The following SGCD variants were observed in gnomAD, a reference collection of about 807,000 sequenced individuals.
SGCD encodes delta-sarcoglycan.
SGCD carries 18 observed loss-of-function variants against 36.6 expected under a neutral mutation model. The observed-to-expected ratio is 0.49, with a 90% CI of 0.34 to 0.73. The LOEUF is 0.73. Among genes scored for constraint, SGCD ranks in the 30% least tolerant of loss-of-function variants. The pLI, the probability that SGCD is intolerant of heterozygous loss-of-function variation, is 0.01. For synonymous variants in SGCD, 133 were observed against 130.6 expected (o/e 1.02, Z -0.12); for missense variants, 387 against 346.7 (o/e 1.12, Z -0.92).
intron 2 of SGCD, among the ~76,000 whole-genome samples, chr5:156,336,044 C>T (rs909909938): frequency 1.3e-4 from 20 of 152,320 alleles, no homozygotes; most frequent in Admixed American, 3.9e-4. Flanking sequence ...CTGTTGCTTT[C>T]TGTATCATAC....
At chr5:156,092,033 G>A (rs966173496) in intron 1 of SGCD, among the ~76,000 whole-genome samples, 1 of 152,216 alleles carries the variant, frequency 6.6e-6, no homozygotes, top group African/African-American at 2.4e-5. Flanking sequence ...GCTTCTGGGG[G>A]TCCAGCAATC....
chr5:156,558,816 C>A (rs1293820266), intron 4 of SGCD, among the ~76,000 whole-genome samples: 1 of 152,084 alleles, frequency 6.6e-6, no homozygotes, highest in Non-Finnish European at 1.5e-5. Context: ...TCATCCAGAT[C>A]CCCAACGAAT....
chr5:155,854,461 G>C, the SGCD span, among the ~76,000 whole-genome samples: 1 of 151,834 alleles, frequency 6.6e-6, no homozygotes, highest in Non-Finnish European at 1.5e-5. Context: ...GCTTTTTTTC[G>C]TGGATGTAAA....
intron 3 of SGCD, among the ~76,000 whole-genome samples, chr5:156,424,155 T>C (rs1233035000): frequency 6.6e-6 from 1 of 152,060 alleles, no homozygotes; most frequent in South Asian, 2.1e-4. Context: ...ATCATTCTAA[T>C]GTAGCCATTG....
rs184254419 is a variant in SGCD at position 156,241,829 on chromosome 5, A to G, written c.-43-87705A>G. Among the ~76,000 whole-genome samples the G allele has an allele frequency of 3.2e-3, 490 of 152,266 alleles. 2 individuals carry two copies. The highest frequency in any genetic ancestry group is 5.5e-3 in the Non-Finnish European group (371 of 68,014). ...CCCTTGCACAATGTTTACACTCACT[A>G]CGGCCACTTAGTATTCCCCTTTTTA... On this transcript the variant is annotated intron_variant, in intron 3 of 9. Transcript: ENST00000517913.
chr5:156,310,417 C>T (rs113949943), intron 3 of SGCD, among the ~76,000 whole-genome samples: 5 of 152,128 alleles, frequency 3.3e-5, no homozygotes, highest in East Asian at 1.9e-4. Context: ...TCCTTTTTGC[C>T]GGTCCTGGCT....
At chr5:156,600,048 A>G (rs191510043) in intron 6 of SGCD, among the ~76,000 whole-genome samples, 29 of 152,290 alleles carry the variant, frequency 1.9e-4, no homozygotes, top group Admixed American at 1.8e-3. Flanking sequence ...TTCAATTGAC[A>G]CATTACAGGC....
At chr5:156,327,714 C>A (rs558995968) in intron 1 of SGCD, among the ~76,000 whole-genome samples, 1 of 152,196 alleles carries the variant, frequency 6.6e-6, no homozygotes, top group South Asian at 2.1e-4. Flanking sequence ...TTTGAAGTTT[C>A]TACGTTGGAT....
chr5:156,006,534 A>G lies in SGCD; in HGVS notation c.-281-111344A>G, dbSNP rs114831654. Among the ~76,000 whole-genome samples the G allele has an allele frequency of 9.5e-3, 1,449 of 152,324 alleles. 19 individuals are homozygous for G. The highest frequency in any genetic ancestry group is 0.033 in the African/African-American group (1,389 of 41,572). On this transcript the variant is annotated intron_variant, in intron 1 of 9. Coordinates refer to the SGCD transcript ENST00000517913. ...GTTACTGAGCCATGCCATGTATCTA[A>G]TCATTTCCCATAGCTGAGAGCCGGA...
the SGCD span, among the ~76,000 whole-genome samples, chr5:155,860,599 T>C: frequency 2.9e-3 from 438 of 152,300 alleles, 4 homozygotes; most frequent in African/African-American, 0.01. Context: ...GAATTTCAGG[T>C]GTGCCTCTGG....
intron 3 of SGCD, among the ~76,000 whole-genome samples, chr5:156,206,642 C>G (rs1764285384): frequency 6.6e-6 from 1 of 151,906 alleles, no homozygotes; most frequent in South Asian, 2.1e-4. Context: ...TAAAGTTTTA[C>G]CAAGGCAAGT....
chr5:156,573,374 A>G (rs534980265), intron 4 of SGCD, among the ~76,000 whole-genome samples: 1 of 152,142 alleles, frequency 6.6e-6, no homozygotes, highest in Non-Finnish European at 1.5e-5. Flanking sequence ...TTTTGTTTGA[A>G]TACCCTCATT....
intron 7 of SGCD, among the ~76,000 whole-genome samples, chr5:156,670,181 T>C (rs1322228163): frequency 1.3e-5 from 2 of 152,174 alleles, no homozygotes; most frequent in Non-Finnish European, 2.9e-5. Flanking sequence ...AAAATCATAA[T>C]GAGAGGGTAT....
chr5:156,710,435 G>T (rs79493898), intron 7 of SGCD, among the ~76,000 whole-genome samples: 1 of 152,114 alleles, frequency 6.6e-6, no homozygotes, highest in East Asian at 1.9e-4. Context: ...CAAAATATTC[G>T]AAGAGATTTA....
At chr5:156,455,119 T>A (rs964851632) in intron 3 of SGCD, among the ~76,000 whole-genome samples, 1 of 152,178 alleles carries the variant, frequency 6.6e-6, no homozygotes, top group African/African-American at 2.4e-5. Context: ...CTTGGCATAC[T>A]TTTTTTATTG....
intron 3 of SGCD, among the ~76,000 whole-genome samples, chr5:156,402,127 A>G (rs959959763): frequency 6.6e-6 from 1 of 152,202 alleles, no homozygotes; most frequent in Non-Finnish European, 1.5e-5. Context: ...ATAGTGTTCC[A>G]TTGTACGTAG....
chr5:156,324,804 G>T (rs966466634), upstream of SGCD, among the ~76,000 whole-genome samples: 1 of 151,832 alleles, frequency 6.6e-6, no homozygotes, highest in African/African-American at 2.4e-5. Context: ...AACAATAAGC[G>T]GTTCATTAGC....
intron 3 of SGCD, among the ~76,000 whole-genome samples, chr5:156,481,819 A>G (rs1043313328): frequency 6.6e-6 from 1 of 152,216 alleles, no homozygotes; most frequent in African/African-American, 2.4e-5. Flanking sequence ...GTCGGAACCC[A>G]GGGCCAAGGA....
At chr5:156,035,919 G>C (rs191726057) in intron 1 of SGCD, among the ~76,000 whole-genome samples, 102 of 152,228 alleles carry the variant, frequency 6.7e-4, no homozygotes, top group African/African-American at 2.4e-3. Context: ...TTGCAGAACT[G>C]TTATAACTCT....
Sources: allele counts gnomAD v4.1 joint callset (sites outside exome capture counted in the v4.1 genomes callset), GRCh38; gene constraint gnomAD v4.1.1; transcripts MANE v1.5; gene names NCBI Gene and HGNC (gene_info 2026-07-23, HGNC 2026-07-21).